PYHIN1: variants seen among roughly 807,000 people sequenced by gnomAD.
PYHIN1 encodes pyrin and HIN domain-containing protein 1.
PYHIN1 carries 32 observed loss-of-function variants against 43.7 expected under a neutral mutation model. The observed-to-expected ratio is 0.73, with a 90% CI of 0.55 to 0.98. PYHIN1 has a LOEUF of 0.98. Among genes scored for constraint, PYHIN1 ranks in the 50% least tolerant of loss-of-function variants. The pLI is 0.00. For missense variants in PYHIN1, 588 were observed against 589.5 expected, an observed-to-expected ratio of 1.00 and a Z score of 0.03; for synonymous variants, 205 against 203.1, an observed-to-expected ratio of 1.01 and a Z score of -0.08.
At chr1:158,938,810 G>A (rs556278336) in intron 3 of PYHIN1, among the ~76,000 whole-genome samples, 3 of 152,104 alleles carry the variant, frequency 2.0e-5, no homozygotes, top group Middle Eastern at 3.4e-3. Flanking sequence ...ATAAAAAAAC[G>A]TTTGCCTATG....
chr1:158,966,550 A>T (rs575562525), intron 7 of PYHIN1, among the ~76,000 whole-genome samples: 3 of 152,204 alleles, frequency 2.0e-5, no homozygotes, highest in South Asian at 4.1e-4. Context: ...TATCTCTGGA[A>T]TACAAAGTTA....
intron 7 of PYHIN1, among the ~76,000 whole-genome samples, chr1:158,946,659 T>G (rs1649240382): frequency 6.6e-6 from 1 of 152,166 alleles, no homozygotes; most frequent in African/African-American, 2.4e-5. Context: ...TGTATTTCCT[T>G]GACTAGAAAG....
At position 158,936,963 on chromosome 1, in the gene PYHIN1, A is replaced by G; in HGVS notation, c.53A>G (p.Asn18Ser). The G allele has an allele frequency of 1.2e-6, 2 of 1,612,046 alleles. No individual in the cohort carries two copies. Among genetic ancestry groups the G allele is most frequent in the East Asian group, 2.2e-5 (1 of 44,862 alleles). The change falls in exon 2 of 9, where the codon AAT becomes AGT. Residue 18 changes from asparagine (N) to serine (S), a missense_variant. Coordinates refer to ENST00000368140, the MANE Select transcript of PYHIN1 (RefSeq NM_152501.5). ...CTACTGAAAGGATTAGAGGTCATCAATGATTATCATTTTAGAATTGTTAAG... is the reference window on the plus strand; with the variant it reads ...CTACTGAAAGGATTAGAGGTCATCAGTGATTATCATTTTAGAATTGTTAAG... ...IVLLKGLEVI[N>S]DYHFRIVKSL...
At chr1:158,951,983 C>A (rs796188363) in intron 7 of PYHIN1, among the ~76,000 whole-genome samples, 1 of 152,080 alleles carries the variant, frequency 6.6e-6, no homozygotes, top group Non-Finnish European at 1.5e-5. Context: ...TCTGGGATGT[C>A]GCTTGTATAC....
intron 4 of PYHIN1, among the ~76,000 whole-genome samples, chr1:158,941,386 T>C (rs1183837503): frequency 6.6e-6 from 1 of 152,176 alleles, no homozygotes; most frequent in African/African-American, 2.4e-5. Flanking sequence ...TGACACTCTG[T>C]AGAGTGTCTG....
chr1:158,934,159 C>T (rs898555563), intron 1 of PYHIN1, among the ~76,000 whole-genome samples: 33 of 152,086 alleles, frequency 2.2e-4, no homozygotes, highest in Non-Finnish European at 3.5e-4. Flanking sequence ...TTACTTAATG[C>T]ACATTTTTCT....
At position 158,943,864 on chromosome 1, in the gene PYHIN1, A is replaced by C; in HGVS notation, c.1077A>C (p.Gly359=). ...GAAGTATGGCTGTAGTAGGAAAAGG[A>C]GAATGCCACAATATCCCCTGTGAAA... ...KTGSMAVVGK[G]ECHNIPCEKG... is the part of the protein sequence containing the mutation. Residue 359 remains glycine (G), a synonymous_variant, in exon 6 of 9, where the codon GGA becomes GGC. Coordinates refer to ENST00000368140, the MANE Select transcript of PYHIN1 (RefSeq NM_152501.5). 6.2e-7 allele frequency: 1 copy of C among 1,611,412 alleles called. No individual in the cohort carries two copies. The highest frequency in any genetic ancestry group is 8.5e-7 in the Non-Finnish European group (1 of 1,178,008).
At chr1:158,941,336 C>G (rs1240306245) in intron 4 of PYHIN1, among the ~76,000 whole-genome samples, 3 of 152,188 alleles carry the variant, frequency 2.0e-5, no homozygotes, top group Non-Finnish European at 4.4e-5. Flanking sequence ...CATGCTACCT[C>G]CTAGAGCCCT....
chr1:158,988,748 G>A, the PYHIN1 span, among the ~76,000 whole-genome samples: 1 of 151,976 alleles, frequency 6.6e-6, no homozygotes, highest in Non-Finnish European at 1.5e-5. Context: ...AATAAAATGA[G>A]GAGAGAGATA....
rs182782026 is a variant in PYHIN1 at position 158,965,813 on chromosome 1, A to C, written c.1360-7834A>C. ...AAAGATCTCAAATTAACAACCCAACATCACAACTAGAAGAACTAGAAAAGC... is the reference window on the plus strand; with the variant it reads ...AAAGATCTCAAATTAACAACCCAACCTCACAACTAGAAGAACTAGAAAAGC... On this transcript the variant is annotated intron_variant, in intron 7 of 8. Transcript: ENST00000368140. Among the ~76,000 whole-genome samples, 12 of 152,278 alleles carry C rather than the reference A, an allele frequency of 7.9e-5. No homozygotes were observed. In the East Asian group the frequency reaches 2.1e-3, roughly 27 times the overall value.
chr1:158,961,984 C>A (rs1258880037), intron 7 of PYHIN1, among the ~76,000 whole-genome samples: 1 of 152,190 alleles, frequency 6.6e-6, no homozygotes, highest in Non-Finnish European at 1.5e-5. Flanking sequence ...TCCAGCCACC[C>A]CCCTGCCTGA....
In PYHIN1 at chr1:158,957,849, C is replaced by T. The variant is rs1448034347; in HGVS notation, c.1359+12807C>T. Among the ~76,000 whole-genome samples, 271 of 148,862 alleles carry T rather than the reference C, an allele frequency of 1.8e-3. 2 individuals are homozygous for T. Among genetic ancestry groups the T allele is most frequent in the Middle Eastern group, 0.014 (4 of 292 alleles). On this transcript the variant is annotated intron_variant, in intron 7 of 8. Transcript: ENST00000368140. The stretch of plus-strand genomic sequence containing the variant: ...CAAAATGGGAGAAAATTTTCACAAC[C>T]TACTCATCTGACAAAGGGCTAATAT...
chr1:158,939,085 A>G lies in PYHIN1; in HGVS notation c.417A>G (p.Arg139=). The G allele has an allele frequency of 6.3e-7, 1 of 1,579,400 alleles. No individual in the cohort carries two copies. The highest frequency in any genetic ancestry group is 8.6e-7 in the Non-Finnish European group (1 of 1,169,322). ...GAEETLGPQK[R]KKPSEEETGT... Reference sequence around the variant, plus strand: ...GAAAAATAAACTACTTGTAGAAAAGAAAAAAACCATCTGAAGAAGAGACTG... The same window carrying G: ...GAAAAATAAACTACTTGTAGAAAAGGAAAAAACCATCTGAAGAAGAGACTG... Residue 139 remains arginine, a synonymous_variant, in exon 4 of 9, where the codon AGA becomes AGG. Coordinates refer to ENST00000368140, the MANE Select transcript of PYHIN1 (RefSeq NM_152501.5).
chr1:158,961,157 T>G (rs1175876779), intron 7 of PYHIN1, among the ~76,000 whole-genome samples: 8 of 152,168 alleles, frequency 5.3e-5, no homozygotes, highest in Non-Finnish European at 8.8e-5. Context: ...TCACATCTCT[T>G]TTTCATAACA....
chr1:158,981,874 T>C (rs1194023541), downstream of PYHIN1, among the ~76,000 whole-genome samples: 1 of 152,202 alleles, frequency 6.6e-6, no homozygotes, highest in Non-Finnish European at 1.5e-5. Flanking sequence ...GTAGTTTTGA[T>C]TTGCATTTCT....
the PYHIN1 span, among the ~76,000 whole-genome samples, chr1:158,987,025 A>G: frequency 6.6e-6 from 1 of 152,174 alleles, no homozygotes; most frequent in Non-Finnish European, 1.5e-5. Context: ...CATTCCCATA[A>G]ATAGCATATA....
chr1:158,945,909 T>C (rs967023544), intron 7 of PYHIN1, among the ~76,000 whole-genome samples: 3 of 152,116 alleles, frequency 2.0e-5, no homozygotes, highest in Non-Finnish European at 2.9e-5. Context: ...CCAATTGACA[T>C]AGAAGAAAAT....
chr1:158,973,800 C>T (rs937716517), intron 8 of PYHIN1, 29 bp downstream of exon 8: 2 of 1,610,568 alleles, frequency 1.2e-6, no homozygotes, highest in Non-Finnish European at 1.7e-6. Flanking sequence ...CATTGCTGTA[C>T]CTCTAAAATA....
At chr1:158,936,222 C>T (rs1184610525) in intron 1 of PYHIN1, among the ~76,000 whole-genome samples, 2 of 115,810 alleles carry the variant, frequency 1.7e-5, no homozygotes, top group African/African-American at 6.7e-5. Flanking sequence ...CCCCCCACCC[C>T]ACAACAGTCC....
Sources: gnomAD v4.1 joint callset for allele counts (sites outside exome capture counted in the v4.1 genomes callset) on GRCh38, gnomAD v4.1.1 for gene constraint, MANE v1.5 for transcripts, NCBI Gene and HGNC (gene_info 2026-07-23, HGNC 2026-07-21) for gene names.